Variants in CADM2 observed in about 807,000 individuals in gnomAD.
The protein encoded by CADM2 is immunoglobulin superfamily member 4D.
CADM2 carries 12 observed loss-of-function variants against 49.8 expected under a neutral mutation model. The observed-to-expected ratio is 0.24, with a 90% CI of 0.15 to 0.39. The LOEUF is 0.39. CADM2 is among the 10% of genes least tolerant of loss of function. The pLI, the probability that CADM2 is intolerant of heterozygous loss-of-function variation, is 1.00. For synonymous variants in CADM2, 214 were observed against 175.4 expected (o/e 1.22, Z -1.74); for missense variants, 378 against 492.3 (o/e 0.77, Z 2.20).
At chr3:85,798,534 C>T (rs999223527) in intron 2 of CADM2, among the ~76,000 whole-genome samples, 2 of 152,088 alleles carry the variant, frequency 1.3e-5, no homozygotes, top group African/African-American at 4.8e-5. Context: ...GAATCCTTTC[C>T]CCATTGCTTC....
chr3:85,698,609 C>T (rs1352511432), intron 1 of CADM2, among the ~76,000 whole-genome samples: 1 of 151,972 alleles, frequency 6.6e-6, no homozygotes, highest in Non-Finnish European at 1.5e-5. Context: ...TGGGAAGTTG[C>T]CACACATTTT....
intron 1 of CADM2, among the ~76,000 whole-genome samples, chr3:85,229,391 T>A: frequency 6.6e-6 from 1 of 152,092 alleles, no homozygotes; most frequent in East Asian, 1.9e-4. Flanking sequence ...AAGGGAAATC[T>A]CCCGACCCCT....
intron 8 of CADM2, among the ~76,000 whole-genome samples, chr3:86,001,470 A>C (rs1577913547): frequency 6.6e-6 from 1 of 152,086 alleles, no homozygotes; most frequent in Non-Finnish European, 1.5e-5. Flanking sequence ...CCAGTAGTCC[A>C]TATTTTAAAT....
At chr3:85,594,834 A>G (rs1411322873) in intron 1 of CADM2, among the ~76,000 whole-genome samples, 1 of 151,992 alleles carries the variant, frequency 6.6e-6, no homozygotes, top group Admixed American at 6.6e-5. Flanking sequence ...ACCTGGGGCT[A>G]TGGGTTCATA....
chr3:86,003,724 T>A (rs902990303), intron 8 of CADM2, among the ~76,000 whole-genome samples: 5 of 152,150 alleles, frequency 3.3e-5, no homozygotes, highest in Middle Eastern at 3.2e-3. Context: ...TAAGAATTCA[T>A]CCCTACATTA....
intron 1 of CADM2, among the ~76,000 whole-genome samples, chr3:85,249,895 G>C (rs1403093600): frequency 6.6e-6 from 1 of 151,812 alleles, no homozygotes; most frequent in East Asian, 1.9e-4. Flanking sequence ...TGGAGCAGGA[G>C]AGTTAACTTG....
intron 1 of CADM2, among the ~76,000 whole-genome samples, chr3:84,998,827 CTG>C (rs1362489695): frequency 1.3e-5 from 2 of 152,082 alleles, no homozygotes; most frequent in African/African-American, 4.8e-5. Context: ...ACCTGGTTAA[CTG>C]TGAGTTATAA....
chr3:85,831,452 T>C (rs2074183209), intron 3 of CADM2, among the ~76,000 whole-genome samples: 1 of 152,008 alleles, frequency 6.6e-6, no homozygotes, highest in Admixed American at 6.6e-5. Flanking sequence ...CCACAAACAG[T>C]TTGTAACGGT....
rs1183208483 is a variant in CADM2 at position 85,428,433 on chromosome 3, TATATATAG to T, written c.62-298081_62-298074del. Among the ~76,000 whole-genome samples, 9 of 144,778 alleles carry T rather than the reference TATATATAG, an allele frequency of 6.2e-5. No individual in the cohort carries two copies. The Admixed American group carries it at 6.4e-4, about 10-fold the overall frequency. The allele number at this position is 144,778 out of a possible 152,430, so 95.0% of individuals were successfully genotyped here. A position where few individuals can be genotyped will look rare whatever the true frequency, so the allele number is the denominator to read the frequency against. On this transcript the variant is annotated intron_variant, in intron 1 of 9. Transcript: ENST00000383699. ...TATGGGAATAAGTAAGGCTTATATA[TATATATAG>T]ATATATATGATATATATGATATGTA...
intron 1 of CADM2, among the ~76,000 whole-genome samples, chr3:85,386,882 G>A (rs932365637): frequency 5.3e-5 from 8 of 152,104 alleles, no homozygotes; most frequent in Non-Finnish European, 1.2e-4. Flanking sequence ...TGAAAGGCAG[G>A]CATTTCTCAT....
intron 1 of CADM2, among the ~76,000 whole-genome samples, chr3:85,387,797 T>A (rs1256712398): frequency 6.6e-6 from 1 of 152,166 alleles, no homozygotes; most frequent in Non-Finnish European, 1.5e-5. Context: ...TTAGTAATTG[T>A]GATTTATGGA....
chr3:85,534,149 C>A (rs1440285275), intron 1 of CADM2, among the ~76,000 whole-genome samples: 1 of 151,932 alleles, frequency 6.6e-6, no homozygotes, highest in Non-Finnish European at 1.5e-5. Context: ...TAAGTTTAAA[C>A]AGCATTTGTT....
intron 1 of CADM2, among the ~76,000 whole-genome samples, chr3:85,516,632 G>T (rs1486375939): frequency 6.6e-6 from 1 of 151,804 alleles, no homozygotes; most frequent in East Asian, 1.9e-4. Context: ...CAGAATCTGT[G>T]CCAACTTCTT....
At chr3:85,474,987 A>C (rs901809648) in intron 1 of CADM2, among the ~76,000 whole-genome samples, 1 of 151,826 alleles carries the variant, frequency 6.6e-6, no homozygotes, top group African/African-American at 2.4e-5. Context: ...TCACAGTAAC[A>C]CACCACCGGC....
At chr3:85,350,998 T>C (rs918876364) in intron 1 of CADM2, among the ~76,000 whole-genome samples, 5 of 152,146 alleles carry the variant, frequency 3.3e-5, no homozygotes, top group African/African-American at 1.2e-4. Context: ...CAAAAATAAT[T>C]TTAAAAAGTA....
intron 8 of CADM2, chr3:85,992,819 T>C (rs1362461768): frequency 3.3e-5 from 5 of 152,180 alleles, no homozygotes; most frequent in African/African-American, 9.6e-5. Flanking sequence ...CAGTGAGTGA[T>C]TGCTGAAGGT....
intron 1 of CADM2, among the ~76,000 whole-genome samples, chr3:85,510,886 T>C (rs1024905169): frequency 2.1e-5 from 3 of 143,614 alleles, no homozygotes; most frequent in African/African-American, 7.3e-5. Flanking sequence ...TAGTAGACAT[T>C]AAAAATAAGT....
intron 3 of CADM2, among the ~76,000 whole-genome samples, chr3:85,855,197 C>T (rs906960568): frequency 1.3e-5 from 2 of 152,044 alleles, no homozygotes; most frequent in African/African-American, 4.8e-5. Flanking sequence ...ACAAAGTGGC[C>T]GGCAATGAGC....
intron 1 of CADM2, among the ~76,000 whole-genome samples, chr3:85,659,195 T>G (rs1244205817): frequency 6.6e-6 from 1 of 151,832 alleles, no homozygotes; most frequent in African/African-American, 2.4e-5. Context: ...CATGGGAATA[T>G]AATTGACAGC....
Sources: allele counts gnomAD v4.1 joint callset (sites outside exome capture counted in the v4.1 genomes callset), GRCh38; gene constraint gnomAD v4.1.1; transcripts MANE v1.5; gene names NCBI Gene and HGNC (gene_info 2026-07-23, HGNC 2026-07-21).